The following HLCS variants were observed in gnomAD, a reference collection of about 807,000 sequenced individuals.
The protein encoded by HLCS is holocarboxylase synthetase.
Under a neutral mutation model 75.0 loss-of-function variants are expected in HLCS, and 53 were observed. That is an observed-to-expected ratio of 0.71 (90% CI 0.57 to 0.89). The LOEUF is 0.89. HLCS is among the 40% of genes least tolerant of loss of function. The pLI is 0.00. For missense variants in HLCS, 966 were observed against 1,074.0 expected (o/e 0.90, Z 1.41); for synonymous variants, 431 against 428.6 (o/e 1.01, Z -0.07).
At chr21:36,876,253 G>C (rs1045669729) in intron 6 of HLCS, among the ~76,000 whole-genome samples, 1 of 152,160 alleles carries the variant, frequency 6.6e-6, no homozygotes, top group Non-Finnish European at 1.5e-5. Context: ...ACAAAACTCA[G>C]GCAAAGGTAC....
intron 1 of HLCS, among the ~76,000 whole-genome samples, chr21:36,979,585 G>A (rs74911772): frequency 0.019 from 2,912 of 152,234 alleles, 41 homozygotes; most frequent in Non-Finnish European, 0.031. Context: ...CAAACGACAT[G>A]TTTAGCCCAA....
chr21:36,985,462 G>A (rs185499465), intron 1 of HLCS, among the ~76,000 whole-genome samples: 9 of 149,292 alleles, frequency 6.0e-5, no homozygotes, highest in African/African-American at 9.9e-5. Context: ...GTGAAACCCC[G>A]TCTCTACTAA....
chr21:36,814,771 C>T (rs1451616297), intron 6 of HLCS, among the ~76,000 whole-genome samples: 4 of 152,148 alleles, frequency 2.6e-5, no homozygotes, highest in African/African-American at 4.8e-5. Context: ...TGGATAGGGT[C>T]GTGGAGTCTG....
intron 5 of HLCS, among the ~76,000 whole-genome samples, chr21:36,919,665 A>G (rs1303167169): frequency 6.6e-6 from 1 of 152,214 alleles, no homozygotes; most frequent in Non-Finnish European, 1.5e-5. Context: ...TGAAAACACA[A>G]TTTCTTTGTA....
chr21:36,764,369 C>T (rs1261812684), intron 8 of HLCS, among the ~76,000 whole-genome samples: 1 of 151,840 alleles, frequency 6.6e-6, no homozygotes, highest in Non-Finnish European at 1.5e-5. Flanking sequence ...TGCACTCCAG[C>T]TTGGTGACAA....
intron 6 of HLCS, among the ~76,000 whole-genome samples, chr21:36,798,476 T>C (rs2061096658): frequency 6.6e-6 from 1 of 152,240 alleles, no homozygotes; most frequent in Admixed American, 6.5e-5. Context: ...ACATACAGTC[T>C]TTGTATGGAC....
intron 1 of HLCS, chr21:36,986,869 T>C (rs2069238514): frequency 6.6e-6 from 1 of 152,282 alleles, no homozygotes; most frequent in Non-Finnish European, 1.5e-5. Flanking sequence ...CCAACTCTGT[T>C]GTTCCTTCAG....
intron 6 of HLCS, among the ~76,000 whole-genome samples, chr21:36,776,726 T>C (rs1358003752): frequency 6.6e-6 from 1 of 152,188 alleles, no homozygotes; most frequent in African/African-American, 2.4e-5. Context: ...ATGGCACTAT[T>C]ATCTAATCCA....
intron 2 of HLCS, among the ~76,000 whole-genome samples, chr21:36,955,765 C>T (rs897364536): frequency 2.6e-5 from 4 of 152,212 alleles, no homozygotes; most frequent in Non-Finnish European, 5.9e-5. Flanking sequence ...ACACGCCACT[C>T]ACTCACTGAC....
chr21:36,761,457 C>T (rs1203534788), intron 8 of HLCS, among the ~76,000 whole-genome samples: 2 of 152,036 alleles, frequency 1.3e-5, no homozygotes, highest in Admixed American at 6.5e-5. Context: ...GTAAACCAAG[C>T]ATGGGGGGTG....
At chr21:36,811,003 T>C (rs995762565) in intron 6 of HLCS, among the ~76,000 whole-genome samples, 4 of 152,150 alleles carry the variant, frequency 2.6e-5, no homozygotes, top group Non-Finnish European at 5.9e-5. Flanking sequence ...ACAGTGCTGA[T>C]TGAGAGGAAA....
chr21:36,967,724 T>C (rs2068665758), upstream of HLCS, among the ~76,000 whole-genome samples: 1 of 152,168 alleles, frequency 6.6e-6, no homozygotes, highest in Admixed American at 6.5e-5. Flanking sequence ...AGGATAGTTT[T>C]TGTTTGTTTG....
In HLCS at chr21:36,774,467, A is replaced by C. The variant is rs987879165; in HGVS notation, c.1893-7182T>G. Among the ~76,000 whole-genome samples, 3 of 152,084 alleles carry C rather than the reference A, an allele frequency of 2.0e-5. No individual in the cohort carries two copies. In the South Asian group the frequency reaches 6.2e-4, roughly 32 times the overall value. Reference sequence around the variant, plus strand: ...TGTCAGTAAAAATGAAATATGATGGAATTTGCAAAGTGGTCCCTGTCATGT... The same window carrying C: ...TGTCAGTAAAAATGAAATATGATGGCATTTGCAAAGTGGTCCCTGTCATGT... On this transcript the variant is annotated intron_variant, in intron 6 of 10. Coordinates refer to ENST00000674895, the MANE Select transcript of HLCS (RefSeq NM_001352514.2).
chr21:36,886,735 G>A (rs2064483406), intron 6 of HLCS, among the ~76,000 whole-genome samples: 1 of 152,150 alleles, frequency 6.6e-6, no homozygotes, highest in South Asian at 2.1e-4. Context: ...AGGTGATTAA[G>A]TCATGAGGGT....
chr21:36,966,012 G>A (rs2068552806), intron 1 of HLCS, among the ~76,000 whole-genome samples: 1 of 152,146 alleles, frequency 6.6e-6, no homozygotes, highest in African/African-American at 2.4e-5. Context: ...CTTCCTCCTA[G>A]GCCTCCCAGA....
In HLCS at chr21:36,749,637, C is replaced by T. The variant is rs932046033; in HGVS notation, c.*4609G>A. The T allele has an allele frequency of 3.3e-5, 5 of 152,156 alleles. No individual in the cohort carries two copies. The highest frequency in any genetic ancestry group is 9.7e-5 in the African/African-American group (4 of 41,424). The allele number at this position is 152,156 out of a possible 1,614,324, so 9.4% of individuals were successfully genotyped here. On this transcript the variant is annotated 3_prime_UTR_variant, in exon 11 of 11. Coordinates refer to ENST00000674895, the MANE Select transcript of HLCS (RefSeq NM_001352514.2). ...CCTCTCCACGCACTCAGCTATACCT[C>T]ATTCACAGCTCCTTGTGAGTGTGTG... is the stretch of plus-strand genomic sequence containing the variant.
At chr21:36,873,119 C>CTT (rs1399602978) in intron 6 of HLCS, among the ~76,000 whole-genome samples, 1 of 150,334 alleles carries the variant, frequency 6.7e-6, no homozygotes, top group African/African-American at 2.5e-5. Flanking sequence ...TGGCATTCTT[C>CTT]TTTTTTTTTG....
At chr21:36,774,319 G>C (rs1202587871) in intron 6 of HLCS, among the ~76,000 whole-genome samples, 1 of 152,138 alleles carries the variant, frequency 6.6e-6, no homozygotes, top group Non-Finnish European at 1.5e-5. Context: ...CAGCAGAGTG[G>C]AGACTCAGAC....
At chr21:36,924,205 C>T (rs1438695631) in intron 5 of HLCS, among the ~76,000 whole-genome samples, 1 of 152,152 alleles carries the variant, frequency 6.6e-6, no homozygotes, top group East Asian at 1.9e-4. Flanking sequence ...ACATCAAGTA[C>T]TATGTTAAAA....
Sources: allele counts gnomAD v4.1 joint callset (sites outside exome capture counted in the v4.1 genomes callset), GRCh38; gene constraint gnomAD v4.1.1; transcripts MANE v1.5; gene names NCBI Gene and HGNC (gene_info 2026-07-23, HGNC 2026-07-21).